Variants in AK8 observed in about 807,000 individuals in gnomAD.
AK8 encodes the protein adenylate kinase 8.
Under a neutral mutation model 54.6 loss-of-function variants are expected in AK8, and 44 were observed. The ratio of observed to expected loss-of-function variants is 0.81; its 90% CI spans 0.63 to 1.04. AK8 has a LOEUF of 1.04. Among genes scored for constraint, AK8 ranks in the 50% least tolerant of loss-of-function variants. The pLI is 0.00. For synonymous variants in AK8, 239 were observed against 245.6 expected (o/e 0.97, Z 0.25); for missense variants, 555 against 613.6 (o/e 0.90, Z 1.01).
intron 5 of AK8, among the ~76,000 whole-genome samples, chr9:132,846,691 A>G (rs541146887): frequency 3.9e-5 from 6 of 152,312 alleles, no homozygotes; most frequent in Non-Finnish European, 5.9e-5. Context: ...AAAACACGAC[A>G]GGGAGTAGAT....
intron 11 of AK8, chr9:132,769,753 C>T (rs1432302660): frequency 6.6e-6 from 1 of 152,206 alleles, no homozygotes; most frequent in Non-Finnish European, 1.5e-5. Flanking sequence ...AATCAGATCG[C>T]TGTTAATTAA....
At chr9:132,859,198 G>C (rs898327856) in intron 4 of AK8, among the ~76,000 whole-genome samples, 1 of 152,188 alleles carries the variant, frequency 6.6e-6, no homozygotes, top group Non-Finnish European at 1.5e-5. Flanking sequence ...GAAATCCTCA[G>C]AACTACTTGG....
At chr9:132,752,375 G>T (rs192843143) in intron 11 of AK8, among the ~76,000 whole-genome samples, 1 of 150,628 alleles carries the variant, frequency 6.6e-6, no homozygotes, top group African/African-American at 2.4e-5. Flanking sequence ...TCTGCCTCCC[G>T]AGCAGCTGGG....
intron 3 of AK8, 43 bp from the exon 4 acceptor site, chr9:132,863,821 T>C: frequency 6.9e-7 from 1 of 1,442,614 alleles, no homozygotes; most frequent in Non-Finnish European, 9.7e-7. Context: ...ATAAAAACAA[T>C]AAATACACAA....
intron 4 of AK8, among the ~76,000 whole-genome samples, chr9:132,855,490 C>T (rs1470254099): frequency 2.0e-5 from 3 of 152,228 alleles, no homozygotes; most frequent in East Asian, 1.9e-4. Context: ...CCCAAGTCCA[C>T]AGTCAGTGAC....
At position 132,826,584 on chromosome 9, in the gene AK8, C is replaced by G. The variant is rs1306659717; in HGVS notation, c.757+270G>C. 2.6e-5 allele frequency among the ~76,000 whole-genome samples: 4 copies of G among 152,186 alleles called. No homozygotes were observed. In the East Asian group the frequency reaches 7.7e-4, roughly 29 times the overall value. ...ATCCCTTGCCTCTCCTCCTCCCGAC[C>G]CCACGACCACCAAATCTGCTGTGGG... On this transcript the variant is annotated intron_variant, in intron 8 of 12. Transcript: ENST00000298545. The surrounding 1 kb of genome is among the most constrained non-coding windows in gnomAD (Gnocchi z 4.5).
In AK8 at chr9:132,826,955, A is replaced by G; in HGVS notation, c.656T>C (p.Leu219Pro). 1 of 1,614,238 alleles carries G rather than the reference A, an allele frequency of 6.2e-7. No homozygotes were observed. The highest frequency in any genetic ancestry group is 8.5e-7 in the Non-Finnish European group (1 of 1,180,032). The stretch of plus-strand genomic sequence containing the variant: ...GACGATGTTCCTATGATACTCCAGC[A>G]GTTTCTGAGCCGTCTCCAGCTCTGA... Reference protein sequence around the residue: ...DISELETAQKLLEYHRNIVRV... With the variant: ...DISELETAQKPLEYHRNIVRV... The change falls in exon 8 of 13, where the codon CTG (leucine) becomes CCG (proline). Residue 219 changes from leucine to proline, a missense_variant. Transcript: ENST00000298545. This position sits in a 1 kb window ranked among gnomAD's most constrained non-coding sequence, Gnocchi z 4.5.
intron 4 of AK8, among the ~76,000 whole-genome samples, chr9:132,855,409 G>A (rs749839236): frequency 3.3e-5 from 5 of 152,214 alleles, no homozygotes; most frequent in Non-Finnish European, 5.9e-5. Flanking sequence ...TACTGACTCT[G>A]GACTCCAGAC....
At chr9:132,742,493 GC>G (rs1837440533) in intron 11 of AK8, among the ~76,000 whole-genome samples, 1 of 152,176 alleles carries the variant, frequency 6.6e-6, no homozygotes, top group African/African-American at 2.4e-5. Flanking sequence ...TTTAACCCAA[GC>G]TTTTGAACCA....
At chr9:132,763,355 C>T (rs1214854575) in intron 11 of AK8, among the ~76,000 whole-genome samples, 1 of 152,184 alleles carries the variant, frequency 6.6e-6, no homozygotes, top group African/African-American at 2.4e-5. Context: ...CCTGAATGAC[C>T]AATGGGTCAA....
chr9:132,744,553 A>G (rs1837548919), intron 11 of AK8, among the ~76,000 whole-genome samples: 1 of 152,174 alleles, frequency 6.6e-6, no homozygotes, highest in Non-Finnish European at 1.5e-5. Context: ...ACCGAAGGGG[A>G]AAAACATACC....
chr9:132,835,162 GC>G (rs1439266966), intron 5 of AK8, among the ~76,000 whole-genome samples: 3 of 152,186 alleles, frequency 2.0e-5, no homozygotes, highest in Non-Finnish European at 4.4e-5. Context: ...GAGCCACTGC[GC>G]CCGGCTTCAA....
In AK8 at chr9:132,808,883, C is replaced by T. The variant is rs540673436; in HGVS notation, c.979+5755G>A. On this transcript the variant is annotated intron_variant, in intron 10 of 12. Transcript: ENST00000298545. The stretch of plus-strand genomic sequence containing the variant: ...TCCCCAGGGAAGGAGGTCCAGTACC[C>T]ACCAGGGCAATGAGGGGGTACCCAG... 2.0e-5 allele frequency among the ~76,000 whole-genome samples: 3 copies of T among 152,234 alleles called. No homozygotes were observed. In the South Asian group the frequency reaches 6.2e-4, roughly 32 times the overall value.
chr9:132,865,407 G>A (rs1843547255), intron 3 of AK8, among the ~76,000 whole-genome samples: 2 of 152,206 alleles, frequency 1.3e-5, no homozygotes, highest in African/African-American at 4.8e-5. Context: ...CATGATACAT[G>A]CTCACAGCAA....
chr9:132,793,367 C>T (rs1039809901), intron 10 of AK8, among the ~76,000 whole-genome samples: 2 of 152,182 alleles, frequency 1.3e-5, no homozygotes, highest in Admixed American at 1.3e-4. Flanking sequence ...TGGGATGACA[C>T]ATTCAGACCA....
At position 132,798,689 on chromosome 9, in the gene AK8, GTTTT is replaced by G. The variant is rs111989687; in HGVS notation, c.980-5918_980-5915del. Among the ~76,000 whole-genome samples, 10 of 148,958 alleles carry G rather than the reference GTTTT, an allele frequency of 6.7e-5. No homozygotes were observed. In the East Asian group the frequency reaches 1.4e-3, roughly 21 times the overall value. Reference sequence around the variant, plus strand: ...AAGGCCACACCACATGGTTTCGTTTGTTTTTTTTTTTTTTTTTCTCAAGATCTTC... The same window carrying G: ...AAGGCCACACCACATGGTTTCGTTTGTTTTTTTTTTTTTCTCAAGATCTTC... On this transcript the variant is annotated intron_variant, in intron 10 of 12. Coordinates refer to ENST00000298545, the MANE Select transcript of AK8 (RefSeq NM_152572.3).
chr9:132,782,402 T>C (rs1366939192), intron 11 of AK8, among the ~76,000 whole-genome samples: 2 of 152,054 alleles, frequency 1.3e-5, no homozygotes, highest in Non-Finnish European at 2.9e-5. Flanking sequence ...ACAAAGAAGC[T>C]ATGCAGGCTG....
chr9:132,814,502 C>T, intron 10 of AK8, 136 bp downstream of exon 10: 1 of 822,304 alleles, frequency 1.2e-6, no homozygotes, highest in Non-Finnish European at 1.8e-6. Context: ...AGAGCCTTTG[C>T]TTACAAGAAA....
intron 11 of AK8, among the ~76,000 whole-genome samples, chr9:132,746,784 G>A (rs1347386197): frequency 6.6e-6 from 1 of 152,168 alleles, no homozygotes; most frequent in Non-Finnish European, 1.5e-5. Context: ...GGCCACACGT[G>A]AGGCGAGCAC....
Sources: allele counts gnomAD v4.1 joint callset (sites outside exome capture counted in the v4.1 genomes callset), GRCh38; gene constraint gnomAD v4.1.1; non-coding constraint Gnocchi (gnomAD v3.1); transcripts MANE v1.5; gene names NCBI Gene and HGNC (gene_info 2026-07-23, HGNC 2026-07-21).